Variants in PIGK observed in about 807,000 individuals in gnomAD.
PIGK encodes phosphatidylinositol glycan anchor biosynthesis class K.
A neutral mutation model predicts 50.6 loss-of-function variants in PIGK; 42 were observed. That is an observed-to-expected ratio of 0.83 (90% CI 0.65 to 1.07). The LOEUF is 1.07. PIGK is among the 50% of genes least tolerant of loss of function. PIGK has a pLI of 0.00. For missense variants in PIGK, 448 were observed against 488.7 expected (o/e 0.92, Z 0.78); for synonymous variants, 151 against 156.0 (o/e 0.97, Z 0.24).
At chr1:77,178,446 T>C (rs1159560160) in intron 3 of PIGK, among the ~76,000 whole-genome samples, 1 of 152,232 alleles carries the variant, frequency 6.6e-6, no homozygotes, top group Non-Finnish European at 1.5e-5. Context: ...TTAAATTCTC[T>C]TATGAAAGGT....
chr1:77,144,717 T>TGCTAAAAA (rs1016834157), intron 9 of PIGK, among the ~76,000 whole-genome samples: 9 of 151,854 alleles, frequency 5.9e-5, no homozygotes, highest in African/African-American at 1.7e-4. Context: ...AACAAAAAAC[T>TGCTAAAAA]ACCCATGATA....
At chr1:77,214,901 A>G (rs1350811285) in intron 1 of PIGK, among the ~76,000 whole-genome samples, 1 of 152,184 alleles carries the variant, frequency 6.6e-6, no homozygotes, top group African/African-American at 2.4e-5. Flanking sequence ...CCCACTTACA[A>G]TAACTACAGA....
intron 10 of PIGK, among the ~76,000 whole-genome samples, chr1:77,104,848 C>T (rs1417890831): frequency 1.3e-5 from 2 of 152,172 alleles, no homozygotes; most frequent in Non-Finnish European, 2.9e-5. Context: ...AGGGTGCCCA[C>T]GACTCTCAAG....
At chr1:77,168,071 T>C (rs889317065) in intron 4 of PIGK, among the ~76,000 whole-genome samples, 1 of 152,212 alleles carries the variant, frequency 6.6e-6, no homozygotes, top group African/African-American at 2.4e-5. Flanking sequence ...ATCTTTAATT[T>C]TTGAATGCAC....
At chr1:77,215,314 T>C (rs1299237440) in intron 1 of PIGK, among the ~76,000 whole-genome samples, 1 of 152,036 alleles carries the variant, frequency 6.6e-6, no homozygotes, top group African/African-American at 2.4e-5. Flanking sequence ...CACAAGTGTA[T>C]GAAAAAATGC....
At chr1:77,110,330 G>A (rs868541586) in intron 10 of PIGK, among the ~76,000 whole-genome samples, 4 of 152,162 alleles carry the variant, frequency 2.6e-5, no homozygotes, top group South Asian at 2.1e-4. Flanking sequence ...GAACAAAGCT[G>A]GAGGCATCAC....
At chr1:77,108,357 T>A (rs1279377929) in intron 10 of PIGK, among the ~76,000 whole-genome samples, 1 of 152,190 alleles carries the variant, frequency 6.6e-6, no homozygotes, top group Admixed American at 6.5e-5. Context: ...GAAGCTTAGT[T>A]TGGCTGCATA....
At chr1:77,137,236 CA>C (rs1448584320) in intron 9 of PIGK, among the ~76,000 whole-genome samples, 1 of 152,116 alleles carries the variant, frequency 6.6e-6, no homozygotes, top group Non-Finnish European at 1.5e-5. Flanking sequence ...ATAGTATAGC[CA>C]AAATCAGAAG....
intron 8 of PIGK, among the ~76,000 whole-genome samples, chr1:77,160,611 T>G (rs915152887): frequency 6.6e-6 from 1 of 152,144 alleles, no homozygotes; most frequent in African/African-American, 2.4e-5. Context: ...TATAAATTAA[T>G]GGAGAAAAGA....
intron 3 of PIGK, among the ~76,000 whole-genome samples, chr1:77,190,234 A>T (rs865950350): frequency 2.0e-5 from 3 of 151,992 alleles, no homozygotes; most frequent in Middle Eastern, 6.8e-3. Flanking sequence ...CCAAAAAAAA[A>T]CAAAAAACAA....
intron 9 of PIGK, among the ~76,000 whole-genome samples, chr1:77,147,003 G>A (rs1294561415): frequency 6.6e-6 from 1 of 151,568 alleles, no homozygotes; most frequent in Non-Finnish European, 1.5e-5. Flanking sequence ...GAGGGGAGGT[G>A]CATTAGTCTG....
At chr1:77,098,338 T>A (rs1480592225) in intron 10 of PIGK, among the ~76,000 whole-genome samples, 2 of 143,700 alleles carry the variant, frequency 1.4e-5, no homozygotes, top group Admixed American at 7.0e-5. Flanking sequence ...GTGGAGGAAA[T>A]TTTTTTTTTT....
At chr1:77,140,611 T>C (rs1408213827) in intron 9 of PIGK, among the ~76,000 whole-genome samples, 2 of 152,146 alleles carry the variant, frequency 1.3e-5, no homozygotes, top group Non-Finnish European at 2.9e-5. Context: ...GGGAACGTCA[T>C]GTACTCTTTT....
chr1:77,111,326 T>A (rs1211271507), intron 10 of PIGK, among the ~76,000 whole-genome samples: 1 of 152,150 alleles, frequency 6.6e-6, no homozygotes, highest in Admixed American at 6.5e-5. Flanking sequence ...ATTGTGGCAC[T>A]ATTCACAATA....
intron 3 of PIGK, among the ~76,000 whole-genome samples, chr1:77,181,508 T>A (rs1245915648): frequency 6.6e-6 from 1 of 152,156 alleles, no homozygotes; most frequent in Non-Finnish European, 1.5e-5. Context: ...TATATAATAA[T>A]ATATAATGTT....
chr1:77,114,618 T>C (rs1244657035), intron 10 of PIGK, among the ~76,000 whole-genome samples: 1 of 152,144 alleles, frequency 6.6e-6, no homozygotes, highest in Non-Finnish European at 1.5e-5. Flanking sequence ...AAGTTGATGA[T>C]AATTATTAAA....
At chr1:77,107,513 G>C (rs1653716971) in intron 10 of PIGK, among the ~76,000 whole-genome samples, 1 of 152,192 alleles carries the variant, frequency 6.6e-6, no homozygotes, top group Non-Finnish European at 1.5e-5. Context: ...TTCCAACTAT[G>C]TGGTCAATGT....
chr1:77,093,465 T>C (rs1653341785), intron 10 of PIGK, among the ~76,000 whole-genome samples: 1 of 152,086 alleles, frequency 6.6e-6, no homozygotes, highest in Non-Finnish European at 1.5e-5. Flanking sequence ...TTTTAGACAA[T>C]AGGGGAGAGA....
In PIGK at chr1:77,193,245, A is replaced by ATGTGTGTGTGTGTGTGTGTGTG. The variant is rs56987496; in HGVS notation, c.239+13373_239+13394dup. On this transcript the variant is annotated intron_variant, in intron 3 of 10. Coordinates refer to ENST00000370812, the MANE Select transcript of PIGK (RefSeq NM_005482.3). ...TGTTAGCTGACAGTGTGGCATGAGA[A>ATGTGTGTGTGTGTGTGTGTGTG]TGTGTGTGTGTGTGTGTGTGTGTGT... Among the ~76,000 whole-genome samples the ATGTGTGTGTGTGTGTGTGTGTG allele has an allele frequency of 3.0e-4, 43 of 144,876 alleles. 1 individual carries two copies. The highest frequency in any genetic ancestry group is 1.1e-3 in the African/African-American group (42 of 38,512).
Sources: gnomAD v4.1 joint callset for allele counts (sites outside exome capture counted in the v4.1 genomes callset) on GRCh38, gnomAD v4.1.1 for gene constraint, MANE v1.5 for transcripts, NCBI Gene and HGNC (gene_info 2026-07-23, HGNC 2026-07-21) for gene names.